SANBR: variants seen among roughly 807,000 people sequenced by gnomAD.
The protein encoded by SANBR is SANT and BTB domain regulator of CSR.
Under a neutral mutation model 101.8 loss-of-function variants are expected in SANBR, and 77 were observed. That is an observed-to-expected ratio of 0.76 (90% CI 0.63 to 0.91). SANBR has a LOEUF of 0.91. Among genes scored for constraint, SANBR ranks in the 40% least tolerant of loss-of-function variants. The pLI is 0.00. For missense variants in SANBR, 875 were observed against 853.0 expected (o/e 1.03, Z -0.32); for synonymous variants, 279 against 274.7 (o/e 1.02, Z -0.15).
intron 12 of SANBR, among the ~76,000 whole-genome samples, chr2:61,098,462 C>CT (rs1372542475): frequency 6.6e-6 from 1 of 152,014 alleles, no homozygotes; most frequent in Non-Finnish European, 1.5e-5. Flanking sequence ...TGTAATTTGC[C>CT]TTTTTTACTC....
chr2:61,084,912 T>C (rs565325090), intron 8 of SANBR, among the ~76,000 whole-genome samples: 1 of 152,186 alleles, frequency 6.6e-6, no homozygotes, highest in South Asian at 2.1e-4. Context: ...TGTAATGATG[T>C]GGGGAGAGAG....
At chr2:61,102,642 A>G (rs768440792) in intron 12 of SANBR, among the ~76,000 whole-genome samples, 17 of 152,026 alleles carry the variant, frequency 1.1e-4, no homozygotes, top group Non-Finnish European at 2.5e-4. Flanking sequence ...GGCTTAAGCA[A>G]TTCTCATGCC....
intron 11 of SANBR, among the ~76,000 whole-genome samples, chr2:61,096,095 C>G (rs1034103480): frequency 2.6e-5 from 4 of 152,126 alleles, no homozygotes; most frequent in Non-Finnish European, 5.9e-5. Flanking sequence ...CTCCCACTGG[C>G]TAATGGAATT....
intron 3 of SANBR, 106 bp downstream of exon 3, chr2:61,070,606 A>G: frequency 1.0e-6 from 1 of 972,976 alleles, no homozygotes; most frequent in Non-Finnish European, 1.5e-6. Flanking sequence ...ACATATTCAA[A>G]TGCATGTATT....
At chr2:61,119,896 A>G (rs1377213080) in intron 20 of SANBR, among the ~76,000 whole-genome samples, 1 of 152,200 alleles carries the variant, frequency 6.6e-6, no homozygotes, top group Non-Finnish European at 1.5e-5. Flanking sequence ...TGGGAGGCAG[A>G]AGTTGCAATG....
downstream of SANBR, among the ~76,000 whole-genome samples, chr2:61,124,454 C>T (rs1684455015): frequency 6.6e-6 from 1 of 152,168 alleles, no homozygotes. Context: ...AATCCCAGCA[C>T]TTTTGGAGGC....
chr2:61,083,211 T>C lies in SANBR; in HGVS notation c.787T>C (p.Cys263Arg). The change falls in exon 8 of 22, where the codon TGC becomes CGC. Residue 263 changes from cysteine (C) to arginine (R), a missense_variant. Transcript: ENST00000402291. ...TATGAATGCCATAGTAGCTACCCCA[T>C]GCAACATGAACTGTATTAATGCAAA... Reference protein sequence around the residue: ...KNMNAIVATPCNMNCINANLL... With the variant: ...KNMNAIVATPRNMNCINANLL... 1 of 1,611,688 alleles carries C rather than the reference T, an allele frequency of 6.2e-7. No homozygotes were observed. Among genetic ancestry groups the C allele is most frequent in the Non-Finnish European group, 8.5e-7 (1 of 1,177,870 alleles).
chr2:61,071,421 G>C (rs1681461840), intron 3 of SANBR, among the ~76,000 whole-genome samples, 185 bp from the exon 4 acceptor site: 1 of 151,934 alleles, frequency 6.6e-6, no homozygotes, highest in African/African-American at 2.4e-5. Flanking sequence ...ATGGTGGCAG[G>C]CACCTGTAAT....
Position 61,122,288 on chromosome 2 carries a change from T to C in SANBR, c.*126T>C. 2 of 1,316,296 alleles carry C rather than the reference T, an allele frequency of 1.5e-6. No homozygotes were observed. The highest frequency in any genetic ancestry group is 2.0e-6 in the Non-Finnish European group (2 of 1,005,790). 81.5% of individuals were successfully genotyped at this position (1,316,296 alleles called of 1,614,324 possible). A position where few individuals can be genotyped will look rare whatever the true frequency, so the allele number is the denominator to read the frequency against. On this transcript the variant is annotated 3_prime_UTR_variant, in exon 22 of 22. Transcript: ENST00000402291. ...TATGTTATTATTATTTTAATCCACA[T>C]AAATCATAATTCTAAAAGAAATGCA...
chr2:61,134,292 T>G, intron 21 of SANBR: 1 of 1,543,984 alleles, frequency 6.5e-7, no homozygotes, highest in Non-Finnish European at 8.8e-7. Context: ...TGCTCAAAAA[T>G]GTTAGCTATT....
downstream of SANBR, among the ~76,000 whole-genome samples, chr2:61,125,185 C>G (rs190210373): frequency 5.3e-5 from 8 of 152,284 alleles, no homozygotes; most frequent in South Asian, 2.1e-4. Flanking sequence ...GTTAATAGAT[C>G]TAAAACAACT....
At chr2:61,107,227 A>G (rs1231291213) in intron 14 of SANBR, among the ~76,000 whole-genome samples, 2 of 151,942 alleles carry the variant, frequency 1.3e-5, no homozygotes, top group Non-Finnish European at 2.9e-5. Context: ...TATTATGGAC[A>G]AATGATTTGA....
rs1343823246 is a variant in SANBR, at chr2:61,073,477, C to T, written c.357C>T (p.Ser119=). The T allele has an allele frequency of 6.4e-7, 1 of 1,568,054 alleles. No individual in the cohort carries two copies. The highest frequency in any genetic ancestry group is 8.7e-7 in the Non-Finnish European group (1 of 1,147,124). The stretch of plus-strand genomic sequence containing the variant: ...TTTAAGGAAGACATAGTATAGCTTC[C>T]ACAAGGAATTGTTCTTCAGAAAGTG... ...VSKTGRHSIA[S]TRNCSSESEN... Residue 119 remains serine (S), a synonymous_variant, in exon 5 of 22, where the codon TCC becomes TCT. Transcript: ENST00000402291.
intron 21 of SANBR, 91 bp from the exon 22 acceptor site, chr2:61,122,035 G>A (rs1381572515): frequency 3.0e-5 from 45 of 1,487,894 alleles, no homozygotes; most frequent in Non-Finnish European, 3.7e-5. Context: ...ATTAAACCTT[G>A]ATGTTGCCAA....
Position 61,118,078 on chromosome 2 carries a change from G to T in SANBR, c.1990G>T (p.Gly664Trp). Residue 664 changes from glycine to tryptophan, a missense_variant, in exon 20 of 22, where the codon GGG becomes TGG. Transcript: ENST00000402291. ...ITGHLIKMRL[G>W]DLDRVKSKEA... The stretch of plus-strand genomic sequence containing the variant: ...AGGGCACCTAATAAAAATGAGATTG[G>T]GGGATCTGGACCGAGTCAAGTCAAA... 6.2e-7 allele frequency: 1 copy of T among 1,613,740 alleles called. No homozygotes were observed. The highest frequency in any genetic ancestry group is 8.5e-7 in the Non-Finnish European group (1 of 1,179,796).
At chr2:61,105,248 C>A (rs1293747284) in intron 13 of SANBR, among the ~76,000 whole-genome samples, 1 of 151,996 alleles carries the variant, frequency 6.6e-6, no homozygotes, top group African/African-American at 2.4e-5. Flanking sequence ...TGCCTGTAAT[C>A]CTAGCTATTT....
intron 3 of SANBR, among the ~76,000 whole-genome samples, chr2:61,070,708 A>G (rs1323267186): frequency 6.8e-6 from 1 of 146,018 alleles, no homozygotes; most frequent in African/African-American, 2.5e-5. Flanking sequence ...TATATTATAT[A>G]TAGTATATAT....
Position 61,103,965 on chromosome 2 carries a change from T to C in SANBR, c.1478T>C (p.Val493Ala). The C allele has an allele frequency of 1.9e-6, 3 of 1,614,172 alleles. No homozygotes were observed. Among genetic ancestry groups the C allele is most frequent in the Non-Finnish European group, 2.5e-6 (3 of 1,179,996 alleles). Residue 493 changes from valine (V) to alanine (A), a missense_variant, in exon 13 of 22, where the codon GTC becomes GCC. Transcript: ENST00000402291. ...MLDDLHKYRD[V>A]IVVPFSKDTV... ...GACGATTTGCACAAGTACAGAGATG[T>C]CATTGTTGTGCCTTTTTCAAAAGAT...
At chr2:61,100,484 G>T (rs1430105303) in intron 12 of SANBR, among the ~76,000 whole-genome samples, 1 of 152,168 alleles carries the variant, frequency 6.6e-6, no homozygotes, top group Non-Finnish European at 1.5e-5. Flanking sequence ...GATGGTATAA[G>T]GTGAGAAGGC....
Sources: allele counts gnomAD v4.1 joint callset (sites outside exome capture counted in the v4.1 genomes callset), GRCh38; gene constraint gnomAD v4.1.1; transcripts MANE v1.5; gene names NCBI Gene and HGNC (gene_info 2026-07-23, HGNC 2026-07-21).